The following DDX60L variants were observed in gnomAD, a reference collection of about 807,000 sequenced individuals.
The protein encoded by DDX60L is probable ATP-dependent RNA helicase DDX60-like.
Under a neutral mutation model 211.6 loss-of-function variants are expected in DDX60L, and 191 were observed. The observed-to-expected ratio is 0.90, with a 90% confidence interval of 0.80 to 1.02. DDX60L has a LOEUF of 1.02. Among genes scored for constraint, DDX60L ranks in the 50% least tolerant of loss-of-function variants. DDX60L has a pLI of 0.00. For missense variants in DDX60L, 2,007 were observed against 1,984.1 expected, an observed-to-expected ratio of 1.01 and a Z score of -0.22; for synonymous variants, 706 against 694.1, an observed-to-expected ratio of 1.02 and a Z score of -0.27.
chr4:168,376,283 G>T (rs1439467905), intron 33 of DDX60L, among the ~76,000 whole-genome samples: 1 of 151,666 alleles, frequency 6.6e-6, no homozygotes, highest in Non-Finnish European at 1.5e-5. Context: ...ATTTTATAAG[G>T]GTAAAGATAA....
chr4:168,471,678 C>G, intron 4 of DDX60L, 69 bp downstream of exon 4: 1 of 1,258,860 alleles, frequency 7.9e-7, no homozygotes, highest in Non-Finnish European at 1.1e-6. Flanking sequence ...AGGTCAAAGG[C>G]TCTTTAGGTT....
At chr4:168,398,201 T>C (rs938716940) in intron 26 of DDX60L, among the ~76,000 whole-genome samples, 4 of 152,098 alleles carry the variant, frequency 2.6e-5, no homozygotes, top group African/African-American at 9.7e-5. Context: ...TCCAAGTCCC[T>C]ACTCCACAGG....
intron 4 of DDX60L, among the ~76,000 whole-genome samples, chr4:168,463,254 A>T (rs1465133386): frequency 6.6e-6 from 1 of 152,280 alleles, no homozygotes; most frequent in African/African-American, 2.4e-5. Context: ...GATAGACTGG[A>T]CAAAGAAAAT....
At chr4:168,412,094 C>T (rs11938927) in intron 22 of DDX60L, among the ~76,000 whole-genome samples, 1 of 151,678 alleles carries the variant, frequency 6.6e-6, no homozygotes, top group East Asian at 2.0e-4. Context: ...CTAGGTAGTA[C>T]GTGGCCGTGT....
intron 1 of DDX60L, among the ~76,000 whole-genome samples, chr4:168,476,817 A>T (rs1289723986): frequency 1.3e-5 from 2 of 152,222 alleles, no homozygotes; most frequent in African/African-American, 4.8e-5. Flanking sequence ...CCATGAAATT[A>T]GTCTTACCAA....
At chr4:168,436,180 T>C (rs1007674255) in intron 10 of DDX60L, among the ~76,000 whole-genome samples, 1 of 152,234 alleles carries the variant, frequency 6.6e-6, no homozygotes. Flanking sequence ...CTAGTTTTTA[T>C]TGGAGCCGAG....
At chr4:168,434,050 T>C (rs1752715002) in intron 10 of DDX60L, among the ~76,000 whole-genome samples, 1 of 152,140 alleles carries the variant, frequency 6.6e-6, no homozygotes, top group Non-Finnish European at 1.5e-5. Flanking sequence ...ACTGTTTTCT[T>C]TCTTATTCTT....
At chr4:168,476,126 A>T (rs1759450741) in intron 1 of DDX60L, 1 of 152,152 alleles carries the variant, frequency 6.6e-6, no homozygotes, top group Admixed American at 6.6e-5. Context: ...GCAAACTAAG[A>T]GAGAAGATAA....
At chr4:168,401,100 T>G in intron 25 of DDX60L, 122 bp from the exon 26 acceptor site, 1 of 861,114 alleles carries the variant, frequency 1.2e-6, no homozygotes, top group Non-Finnish European at 1.7e-6. Context: ...CAGGGCACTC[T>G]AAAATTTAAA....
chr4:168,394,772 G>A lies in DDX60L; in HGVS notation c.3658-155C>T, dbSNP rs544581669. ...CTGAACCTACATGTTTTATGACTAC[G>A]GAAACAATCTGCCCATTTTTGTGAA... On this transcript the variant is annotated intron_variant, in intron 27 of 37. Coordinates refer to ENST00000682922, the MANE Select transcript of DDX60L (RefSeq NM_001012967.3). Among the ~76,000 whole-genome samples, 4 of 152,260 alleles carry A rather than the reference G, an allele frequency of 2.6e-5. No individual in the cohort carries two copies. In the South Asian group the frequency reaches 8.3e-4, roughly 32 times the overall value.
chr4:168,371,753 C>A lies in DDX60L; in HGVS notation c.4787G>T (p.Arg1596Leu), dbSNP rs540276248. 1.6e-5 allele frequency: 26 copies of A among 1,599,714 alleles called. No individual in the cohort carries two copies. The East Asian group carries it at 5.4e-4, about 33-fold the overall frequency. The change falls in exon 36 of 38, where the codon CGC becomes CTC. Residue 1596 changes from arginine (R) to leucine (L), a missense_variant. By Grantham distance (102) the Arg-to-Leu change is moderately radical (BLOSUM62 -2). Coordinates refer to ENST00000682922, the MANE Select transcript of DDX60L (RefSeq NM_001012967.3). ...CTGAGTGCCACTAACACCGACTGTGCGCAGGATGACCTGAAGAAAGACATT... is the reference window on the plus strand; with the variant it reads ...CTGAGTGCCACTAACACCGACTGTGAGCAGGATGACCTGAAGAAAGACATT... ...RPETINQVILRTVGVSGTQAP... is the reference protein window; with the variant it reads ...RPETINQVILLTVGVSGTQAP...
rs1760279211 is a variant in DDX60L, at chr4:168,480,386, C to G, written c.-120G>C. On this transcript the variant is annotated 5_prime_UTR_variant, in exon 1 of 38. Coordinates refer to ENST00000682922, the MANE Select transcript of DDX60L (RefSeq NM_001012967.3). ...CACCCGCAATCCTCACCCCGGCCGC[C>G]GAACCTGCTAGGTCCAAAGAGCTTC... 1 of 152,482 alleles carries G rather than the reference C, an allele frequency of 6.6e-6. No individual in the cohort carries two copies. Among genetic ancestry groups the G allele is most frequent in the Non-Finnish European group, 1.5e-5 (1 of 68,304 alleles). 9.4% of individuals were successfully genotyped at this position (152,482 alleles called of 1,614,324 possible).
At chr4:168,440,879 A>C (rs1753728445) in intron 10 of DDX60L, among the ~76,000 whole-genome samples, 1 of 152,216 alleles carries the variant, frequency 6.6e-6, no homozygotes, top group Admixed American at 6.5e-5. Flanking sequence ...TTTTAAGCAT[A>C]ATGGTAAATA....
At chr4:168,384,371 C>T (rs1190935711) in intron 30 of DDX60L, among the ~76,000 whole-genome samples, 4 of 152,038 alleles carry the variant, frequency 2.6e-5, no homozygotes, top group Admixed American at 2.6e-4. Context: ...CCTGTAGTCC[C>T]AGCTACTTGG....
rs1310538697 is a variant in DDX60L, at chr4:168,420,427, CAT to C, written c.2395-49_2395-48del. ...CATTAGTCACTTAGTAGAGAAGAGACATATAAAACCTTGAGGACAACCGAATC... is the reference window on the plus strand; with the variant it reads ...CATTAGTCACTTAGTAGAGAAGAGACATAAAACCTTGAGGACAACCGAATC... On this transcript the variant is annotated intron_variant, in intron 17 of 37. Transcript: ENST00000682922. 3.9e-6 allele frequency: 6 copies of C among 1,551,486 alleles called. No individual in the cohort carries two copies. In the African/African-American group the frequency reaches 5.6e-5, roughly 14 times the overall value.
chr4:168,415,332 T>C (rs945152817), intron 22 of DDX60L, 76 bp downstream of exon 22: 7 of 723,974 alleles, frequency 9.7e-6, no homozygotes, highest in Non-Finnish European at 1.6e-5. Flanking sequence ...TGCAGTTCTA[T>C]GAAGATTGAG....
chr4:168,437,219 C>A (rs1753165136), intron 10 of DDX60L, among the ~76,000 whole-genome samples: 1 of 152,152 alleles, frequency 6.6e-6, no homozygotes, highest in African/African-American at 2.4e-5. Context: ...AGGGTCTTTG[C>A]AGATGAAATC....
At chr4:168,390,544 A>G in intron 29 of DDX60L, 1 of 1,339,900 alleles carries the variant, frequency 7.5e-7, no homozygotes, top group East Asian at 2.7e-5. Flanking sequence ...AATTTGAATA[A>G]GAAAAGAGGA....
At chr4:168,458,507 C>T (rs1250509378) in intron 5 of DDX60L, among the ~76,000 whole-genome samples, 1 of 152,262 alleles carries the variant, frequency 6.6e-6, no homozygotes, top group Admixed American at 6.5e-5. Flanking sequence ...TTCACAGGGA[C>T]ATGGATGGAG....
Sources: allele counts gnomAD v4.1 joint callset (sites outside exome capture counted in the v4.1 genomes callset), GRCh38; gene constraint gnomAD v4.1.1; transcripts MANE v1.5; gene names NCBI Gene and HGNC (gene_info 2026-07-23, HGNC 2026-07-21).